The following MEGF10 variants were observed in gnomAD, a reference collection of about 807,000 sequenced individuals.
MEGF10 encodes the protein multiple EGF like domains 10, also known as multiple epidermal growth factor-like domains protein 10.
In MEGF10, 86 loss-of-function variants were observed where a neutral mutation model predicts 147.5. The ratio of observed to expected loss-of-function variants is 0.58; its 90% CI spans 0.49 to 0.70. MEGF10 has a LOEUF of 0.70. Ranked by LOEUF, MEGF10 falls within the 30% of genes least tolerant of loss-of-function variation. The pLI, the probability that MEGF10 is intolerant of heterozygous loss-of-function variation, is 0.00. For synonymous variants in MEGF10, 478 were observed against 525.5 expected (o/e 0.91, Z 1.24); for missense variants, 1,329 against 1,487.3 (o/e 0.89, Z 1.75).
At chr5:127,254,276 A>G in the MEGF10 span, among the ~76,000 whole-genome samples, 3 of 152,166 alleles carry the variant, frequency 2.0e-5, no homozygotes, top group Non-Finnish European at 1.5e-5. Context: ...ACCCTACACA[A>G]ATGCACAATC....
At chr5:127,322,575 G>T (rs137942612) in intron 1 of MEGF10, among the ~76,000 whole-genome samples, 1 of 152,076 alleles carries the variant, frequency 6.6e-6, no homozygotes, top group Non-Finnish European at 1.5e-5. Flanking sequence ...TACCATCTAC[G>T]TGGTACTACT....
intron 1 of MEGF10, among the ~76,000 whole-genome samples, chr5:127,311,074 C>A (rs963466801): frequency 6.6e-6 from 1 of 152,298 alleles, no homozygotes; most frequent in Non-Finnish European, 1.5e-5. Context: ...TGTTCATTCC[C>A]TTTTAGAAAA....
chr5:127,398,277 G>A lies in MEGF10; in HGVS notation c.660-399G>A, dbSNP rs60963225. 6.3e-3 allele frequency among the ~76,000 whole-genome samples: 962 copies of A among 152,130 alleles called. 9 individuals are homozygous for A. Among genetic ancestry groups the A allele is most frequent in the African/African-American group, 0.022 (916 of 41,482 alleles). On this transcript the variant is annotated intron_variant, in intron 6 of 24. Transcript: ENST00000503335. Reference sequence around the variant, plus strand: ...AGGATGATGAATATGTGCACAAAGGGTGTGATGTGCAACATCTCAATTTTC... The same window carrying A: ...AGGATGATGAATATGTGCACAAAGGATGTGATGTGCAACATCTCAATTTTC...
chr5:127,245,069 T>C, the MEGF10 span, among the ~76,000 whole-genome samples: 1 of 152,206 alleles, frequency 6.6e-6, no homozygotes, highest in South Asian at 2.1e-4. Context: ...CCCATGAAGC[T>C]ACCATTGACT....
the MEGF10 span, among the ~76,000 whole-genome samples, chr5:127,243,579 A>G: frequency 2.6e-5 from 4 of 152,218 alleles, no homozygotes; most frequent in Non-Finnish European, 5.9e-5. Flanking sequence ...ATCTTTTGTA[A>G]CAAAGATGGT....
chr5:127,335,043 T>A (rs1761409250), intron 2 of MEGF10, among the ~76,000 whole-genome samples: 1 of 152,148 alleles, frequency 6.6e-6, no homozygotes, highest in Admixed American at 6.6e-5. Flanking sequence ...CAGATAATAC[T>A]TAATAGATTA....
chr5:127,324,999 A>G (rs1467917019), intron 1 of MEGF10, among the ~76,000 whole-genome samples: 5 of 152,160 alleles, frequency 3.3e-5, no homozygotes, highest in African/African-American at 1.2e-4. Context: ...CTGTTCGTAT[A>G]TCTGCTCTTA....
the MEGF10 span, among the ~76,000 whole-genome samples, chr5:127,282,653 T>C: frequency 4.6e-5 from 7 of 152,348 alleles, no homozygotes; most frequent in Non-Finnish European, 8.8e-5. Flanking sequence ...CCTGGAATTA[T>C]TTTTGTACCA....
chr5:127,406,747 A>G (rs1764342092), intron 8 of MEGF10, among the ~76,000 whole-genome samples: 1 of 152,216 alleles, frequency 6.6e-6, no homozygotes, highest in South Asian at 2.1e-4. Flanking sequence ...GGTTTGTGGA[A>G]AGGTTGAGAG....
chr5:127,325,868 T>C (rs148827368), intron 1 of MEGF10, among the ~76,000 whole-genome samples: 5,235 of 144,480 alleles, frequency 0.036, 324 homozygotes, highest in African/African-American at 0.12. Context: ...TATATATATA[T>C]ACATATATGT....
At chr5:127,230,051 T>G in the MEGF10 span, among the ~76,000 whole-genome samples, 1 of 151,998 alleles carries the variant, frequency 6.6e-6, no homozygotes. Flanking sequence ...AAATTTTAGT[T>G]TTTGGTAATT....
At chr5:127,259,724 G>T in the MEGF10 span, among the ~76,000 whole-genome samples, 19 of 152,136 alleles carry the variant, frequency 1.2e-4, no homozygotes, top group Admixed American at 1.2e-3. Flanking sequence ...GGGAAACTGG[G>T]AAGTTGTCTC....
chr5:127,401,469 T>G (rs1264636932), intron 7 of MEGF10, among the ~76,000 whole-genome samples: 1 of 152,178 alleles, frequency 6.6e-6, no homozygotes, highest in African/African-American at 2.4e-5. Flanking sequence ...CAACTGCCTT[T>G]GTGGGTAGCC....
chr5:127,445,327 T>C, intron 19 of MEGF10, 130 bp from the exon 20 acceptor site: 3 of 722,300 alleles, frequency 4.2e-6, no homozygotes, highest in Non-Finnish European at 7.2e-6. Flanking sequence ...CTTCCTGCTC[T>C]GTTTCCAAAT....
chr5:127,297,821 A>G (rs975116316), intron 1 of MEGF10, among the ~76,000 whole-genome samples: 2 of 152,186 alleles, frequency 1.3e-5, no homozygotes, highest in Admixed American at 1.3e-4. Flanking sequence ...TTGAGATTCA[A>G]GTAAAAATTG....
At chr5:127,346,666 G>A (rs1761906921) in intron 4 of MEGF10, among the ~76,000 whole-genome samples, 1 of 152,082 alleles carries the variant, frequency 6.6e-6, no homozygotes, top group Non-Finnish European at 1.5e-5. Context: ...TGGGTTATCT[G>A]TTTACTGTGG....
At chr5:127,455,987 T>G (rs149801898) in intron 24 of MEGF10, among the ~76,000 whole-genome samples, 313 of 152,304 alleles carry the variant, frequency 2.1e-3, no homozygotes, top group African/African-American at 7.2e-3. Context: ...GCGATCATAT[T>G]AATTGGTGCC....
intron 16 of MEGF10, among the ~76,000 whole-genome samples, chr5:127,436,349 A>C (rs1051708944): frequency 2.6e-5 from 4 of 152,128 alleles, no homozygotes; most frequent in South Asian, 4.1e-4. Context: ...TCTGAATGTT[A>C]ATTTTTTCCA....
At chr5:127,318,778 T>C (rs990087215) in intron 1 of MEGF10, among the ~76,000 whole-genome samples, 2 of 152,152 alleles carry the variant, frequency 1.3e-5, no homozygotes, top group African/African-American at 2.4e-5. Context: ...GTTGTAAAAC[T>C]ATGTATGCCC....
Sources: gnomAD v4.1 joint callset for allele counts (sites outside exome capture counted in the v4.1 genomes callset) on GRCh38, gnomAD v4.1.1 for gene constraint, MANE v1.5 for transcripts, NCBI Gene and HGNC (gene_info 2026-07-23, HGNC 2026-07-21) for gene names.